Variants in WWOX observed in about 807,000 individuals in gnomAD.
The protein encoded by WWOX is WW domain containing oxidoreductase.
WWOX carries 69 observed loss-of-function variants against 46.2 expected under a neutral mutation model. That is an observed-to-expected ratio of 1.49 (90% CI 1.23 to 1.82). The LOEUF is 1.82. Ranked by LOEUF, WWOX falls within the 40% of genes most tolerant of loss-of-function variation. The probability of loss-of-function intolerance (pLI) is 0.00; values close to 1 mark genes in which losing one functional copy is unlikely to be tolerated. For synonymous variants in WWOX, 359 were observed against 202.6 expected (o/e 1.77, Z -6.56); for missense variants, 919 against 542.6 (o/e 1.69, Z -6.89).
At chr16:78,431,431 A>C (rs1052210415) in intron 7 of WWOX, among the ~76,000 whole-genome samples, 2 of 152,204 alleles carry the variant, frequency 1.3e-5, no homozygotes, top group Non-Finnish European at 2.9e-5. Context: ...TGGATGCTCA[A>C]ATGAAAATAT....
At chr16:78,230,886 C>T (rs1355379019) in intron 5 of WWOX, among the ~76,000 whole-genome samples, 1 of 152,226 alleles carries the variant, frequency 6.6e-6, no homozygotes, top group Non-Finnish European at 1.5e-5. Flanking sequence ...CTCCTTATCT[C>T]TTTAGTGCAG....
chr16:78,444,805 C>A (rs909755839), intron 8 of WWOX, among the ~76,000 whole-genome samples: 1 of 152,138 alleles, frequency 6.6e-6, no homozygotes. Flanking sequence ...GCTGGAATTA[C>A]AGGCGTGAGC....
At chr16:78,295,658 C>T (rs575285842) in intron 5 of WWOX, among the ~76,000 whole-genome samples, 14 of 152,282 alleles carry the variant, frequency 9.2e-5, no homozygotes, top group African/African-American at 2.9e-4. Context: ...TTGCAGTGAG[C>T]CAAGATCGCA....
intron 6 of WWOX, among the ~76,000 whole-genome samples, chr16:78,422,844 T>C (rs199758754): frequency 0.024 from 2,543 of 105,076 alleles, 319 homozygotes; most frequent in African/African-American, 0.12. Flanking sequence ...TATATACATA[T>C]ACACACACAC....
At chr16:78,788,183 C>G (rs767991278) in intron 8 of WWOX, among the ~76,000 whole-genome samples, 1 of 152,136 alleles carries the variant, frequency 6.6e-6, no homozygotes, top group African/African-American at 2.4e-5. Flanking sequence ...GATGTTGTTG[C>G]TTCTGTTTTT....
chr16:78,322,729 G>C (rs1323267437), intron 5 of WWOX, among the ~76,000 whole-genome samples: 9 of 152,222 alleles, frequency 5.9e-5, no homozygotes, highest in African/African-American at 1.7e-4. Flanking sequence ...TTTTCTGTAA[G>C]GGAGAGACAG....
chr16:78,262,097 C>CAAAAAAAAAAAAA (rs752161345), intron 5 of WWOX, among the ~76,000 whole-genome samples: 2 of 62,610 alleles, frequency 3.2e-5, no homozygotes, highest in African/African-American at 6.6e-5. Flanking sequence ...GAAACTCTGT[C>CAAAAAAAAAAAAA]AAAAAAAAAA....
At position 78,106,420 on chromosome 16, in the gene WWOX, TG is replaced by T. The variant is rs1230563941; in HGVS notation, c.108-2002del. 5.7e-4 allele frequency among the ~76,000 whole-genome samples: 83 copies of T among 145,634 alleles called. 7 individuals carry two copies. Among genetic ancestry groups the T allele is most frequent in the East Asian group, 7.9e-4 (4 of 5,042 alleles). ...CCAGAGAGTCAGAACGGTTTTTTTTTGTTTTTTTTTTTTTTTTTTGAGATGG... is the reference window on the plus strand; with the variant it reads ...CCAGAGAGTCAGAACGGTTTTTTTTTTTTTTTTTTTTTTTTTTTGAGATGG... On this transcript the variant is annotated intron_variant, in intron 1 of 8. Coordinates refer to ENST00000566780, the MANE Select transcript of WWOX (RefSeq NM_016373.4).
chr16:79,047,655 C>G (rs1301825231), intron 8 of WWOX, among the ~76,000 whole-genome samples: 1 of 140,948 alleles, frequency 7.1e-6, no homozygotes, highest in African/African-American at 2.7e-5. Flanking sequence ...GGGTGACTTT[C>G]TCCTGAGACT....
intron 8 of WWOX, among the ~76,000 whole-genome samples, chr16:79,191,129 G>C (rs914574800): frequency 1.3e-5 from 2 of 152,072 alleles, no homozygotes; most frequent in African/African-American, 4.8e-5. Context: ...CCTTGGCTCA[G>C]TGCAGCCTCC....
At chr16:78,656,111 C>G (rs1300706844) in intron 8 of WWOX, among the ~76,000 whole-genome samples, 1 of 152,126 alleles carries the variant, frequency 6.6e-6, no homozygotes, top group East Asian at 1.9e-4. Flanking sequence ...GGGGAAGAAT[C>G]AAAATTATTA....
intron 5 of WWOX, among the ~76,000 whole-genome samples, chr16:78,353,957 C>T (rs1439118199): frequency 1.3e-5 from 2 of 151,666 alleles, no homozygotes; most frequent in African/African-American, 4.9e-5. Context: ...TAATTGTTCA[C>T]CTCCATCGCT....
chr16:79,155,385 A>G (rs2050361555), intron 8 of WWOX, among the ~76,000 whole-genome samples: 1 of 150,416 alleles, frequency 6.6e-6, no homozygotes, highest in African/African-American at 2.4e-5. Flanking sequence ...AACAACAACA[A>G]CAAAAAAGGT....
intron 8 of WWOX, among the ~76,000 whole-genome samples, chr16:78,506,018 C>T (rs1198943055): frequency 6.6e-6 from 1 of 152,230 alleles, no homozygotes; most frequent in Non-Finnish European, 1.5e-5. Context: ...CCGTCAGCCC[C>T]TTCCCGACCC....
chr16:78,904,654 A>C (rs930150607), intron 8 of WWOX, among the ~76,000 whole-genome samples: 4 of 152,134 alleles, frequency 2.6e-5, no homozygotes, highest in Non-Finnish European at 4.4e-5. Context: ...TTTATCATCC[A>C]CACTGGCACC....
chr16:78,436,961 G>C (rs546154545), intron 8 of WWOX, among the ~76,000 whole-genome samples: 1 of 152,168 alleles, frequency 6.6e-6, no homozygotes, highest in African/African-American at 2.4e-5. Flanking sequence ...GTAAAGGCTG[G>C]GTTTCTAATT....
Position 79,027,275 on chromosome 16 carries a change from A to G in WWOX, c.1057-184333A>G, listed in dbSNP as rs1266052875. ...AGCCTGGGTGACAGAGAAAGACTCCATCTCAAAAAAAAAAAAAAAGGTAGA... is the reference window on the plus strand; with the variant it reads ...AGCCTGGGTGACAGAGAAAGACTCCGTCTCAAAAAAAAAAAAAAAGGTAGA... On this transcript the variant is annotated intron_variant, in intron 8 of 8. Transcript: ENST00000566780. Among the ~76,000 whole-genome samples, 18 of 68,662 alleles carry G rather than the reference A, an allele frequency of 2.6e-4. 1 individual carries two copies. The highest frequency in any genetic ancestry group is 1.0e-3 in the African/African-American group (18 of 17,448). The allele number at this position is 68,662 out of a possible 152,430, so 45.0% of individuals were successfully genotyped here.
At chr16:78,633,972 T>C (rs1378665432) in intron 8 of WWOX, among the ~76,000 whole-genome samples, 1 of 151,866 alleles carries the variant, frequency 6.6e-6, no homozygotes, top group African/African-American at 2.4e-5. Flanking sequence ...AGTGTCCTTT[T>C]ATTAGTCTGA....
At chr16:78,853,282 G>T (rs931868310) in intron 8 of WWOX, among the ~76,000 whole-genome samples, 5 of 151,956 alleles carry the variant, frequency 3.3e-5, no homozygotes, top group Non-Finnish European at 7.4e-5. Context: ...GTGCAGTGGC[G>T]TGATCTCGGC....
Sources: gnomAD v4.1 joint callset for allele counts (sites outside exome capture counted in the v4.1 genomes callset) on GRCh38, gnomAD v4.1.1 for gene constraint, MANE v1.5 for transcripts, NCBI Gene and HGNC (gene_info 2026-07-23, HGNC 2026-07-21) for gene names.